Variants in TMC5 observed in about 807,000 individuals in gnomAD.
The protein encoded by TMC5 is transmembrane channel like 5, also known as transmembrane channel-like protein 5.
TMC5 carries 86 observed loss-of-function variants against 110.5 expected under a neutral mutation model. That is an observed-to-expected ratio of 0.78 (90% CI 0.65 to 0.93). The LOEUF is 0.93. Ranked by LOEUF, TMC5 falls within the 40% of genes least tolerant of loss-of-function variation. TMC5 has a pLI of 0.00. For missense variants in TMC5, 1,144 were observed against 1,222.8 expected (o/e 0.94, Z 0.96); for synonymous variants, 455 against 439.5 (o/e 1.04, Z -0.44).
At chr16:19,448,771 A>ATAT (rs1967679135) in intron 4 of TMC5, among the ~76,000 whole-genome samples, 6 of 146,516 alleles carry the variant, frequency 4.1e-5, no homozygotes, top group Non-Finnish European at 6.0e-5. Flanking sequence ...AACATATAAA[A>ATAT]ATAAATATAT....
upstream of TMC5, among the ~76,000 whole-genome samples, chr16:19,413,632 G>A (rs539418763): frequency 2.7e-5 from 4 of 150,900 alleles, no homozygotes; most frequent in South Asian, 2.1e-4. Context: ...CTTAGTGGGA[G>A]GCACTACATC....
chr16:19,490,671 C>T, intron 18 of TMC5, 103 bp downstream of exon 18: 3 of 1,157,154 alleles, frequency 2.6e-6, no homozygotes, highest in Non-Finnish European at 3.8e-6. Flanking sequence ...TAGCATAGCT[C>T]AGTGTTCTGG....
intron 17 of TMC5, among the ~76,000 whole-genome samples, chr16:19,489,317 T>A (rs2143746126): frequency 6.6e-6 from 1 of 152,190 alleles, no homozygotes; most frequent in South Asian, 2.1e-4. Context: ...CACATCACCA[T>A]GCCTGGCTAA....
chr16:19,425,327 C>CTTTTT (rs35472194), intron 1 of TMC5, among the ~76,000 whole-genome samples: 4 of 124,582 alleles, frequency 3.2e-5, no homozygotes, highest in African/African-American at 2.9e-5. Flanking sequence ...GTTGAGTTTG[C>CTTTTT]TTTTTTTTTT....
intron 18 of TMC5, among the ~76,000 whole-genome samples, chr16:19,491,469 G>C (rs918620566): frequency 6.6e-6 from 1 of 151,554 alleles, no homozygotes; most frequent in African/African-American, 2.4e-5. Context: ...CTGGGCAACA[G>C]AGCAAGACCC....
chr16:19,419,658 C>T (rs1212203475), intron 1 of TMC5, among the ~76,000 whole-genome samples: 3 of 151,710 alleles, frequency 2.0e-5, no homozygotes, highest in Admixed American at 1.3e-4. Flanking sequence ...GTGATCCATC[C>T]GCCTCGGCCT....
At chr16:19,482,401 T>C (rs998349159) in intron 15 of TMC5, among the ~76,000 whole-genome samples, 2 of 152,148 alleles carry the variant, frequency 1.3e-5, no homozygotes, top group African/African-American at 4.8e-5. Flanking sequence ...GTTATAGTTA[T>C]AGCAGCCTGA....
chr16:19,454,626 A>G (rs1967823573), intron 5 of TMC5, among the ~76,000 whole-genome samples: 1 of 152,170 alleles, frequency 6.6e-6, no homozygotes, highest in African/African-American at 2.4e-5. Flanking sequence ...TGGGAGAAGG[A>G]ATACATGGGT....
At chr16:19,465,307 G>A (rs1191180543) in intron 8 of TMC5, among the ~76,000 whole-genome samples, 1 of 152,060 alleles carries the variant, frequency 6.6e-6, no homozygotes, top group African/African-American at 2.4e-5. Context: ...GCCGAGGCGG[G>A]TGGATCACTT....
At chr16:19,460,193 T>A in intron 5 of TMC5, 42 bp from the exon 6 acceptor site, 1 of 1,506,780 alleles carries the variant, frequency 6.6e-7, no homozygotes, top group Non-Finnish European at 9.2e-7. Context: ...TACGATTCTG[T>A]TAAAGAAAAA....
At chr16:19,423,888 A>C (rs1244921862) in intron 1 of TMC5, among the ~76,000 whole-genome samples, 1 of 152,182 alleles carries the variant, frequency 6.6e-6, no homozygotes, top group African/African-American at 2.4e-5. Flanking sequence ...AGTAGCTGGA[A>C]CTACAGGCAT....
chr16:19,461,706 CT>C (rs1041102765), intron 6 of TMC5, among the ~76,000 whole-genome samples: 39 of 151,542 alleles, frequency 2.6e-4, no homozygotes, highest in African/African-American at 9.0e-4. Context: ...GTTGCTTAAT[CT>C]TTTTTTTTCT....
intron 5 of TMC5, among the ~76,000 whole-genome samples, chr16:19,450,711 A>G (rs528668307): frequency 6.6e-6 from 1 of 152,322 alleles, no homozygotes; most frequent in East Asian, 1.9e-4. Context: ...TAACTGGAGC[A>G]CATGCCTACA....
chr16:19,453,775 A>G (rs1336944181), intron 5 of TMC5, among the ~76,000 whole-genome samples: 1 of 152,112 alleles, frequency 6.6e-6, no homozygotes, highest in African/African-American at 2.4e-5. Context: ...CTAAAAAAGG[A>G]AAGAAAGAAA....
chr16:19,420,946 T>C (rs890103250), intron 1 of TMC5, among the ~76,000 whole-genome samples: 2 of 152,122 alleles, frequency 1.3e-5, no homozygotes, highest in Non-Finnish European at 2.9e-5. Flanking sequence ...AGTTATAAAT[T>C]ACACGATCAG....
At chr16:19,475,802 C>CTT (rs1032784346) in intron 12 of TMC5, among the ~76,000 whole-genome samples, 79 of 127,320 alleles carry the variant, frequency 6.2e-4, no homozygotes, top group East Asian at 1.4e-3. Flanking sequence ...AATTTTCTTT[C>CTT]TTTTTTTTTT....
chr16:19,497,106 T>G lies in TMC5; in HGVS notation c.2932-15T>G. ...CTTCCTCCGTGACGTGGCTGCTTGT[T>G]TTTTTCTTTTTCAGCAACAAGGCTT... is the stretch of plus-strand genomic sequence containing the variant. On this transcript the variant is annotated splice_polypyrimidine_tract_variant and intron_variant, in intron 20 of 21. Coordinates refer to ENST00000542583, the MANE Select transcript of TMC5 (RefSeq NM_001261841.2). 1 of 1,613,982 alleles carries G rather than the reference T, an allele frequency of 6.2e-7. No homozygotes were observed. Among genetic ancestry groups the G allele is most frequent in the Non-Finnish European group, 8.5e-7 (1 of 1,179,970 alleles).
intron 1 of TMC5, among the ~76,000 whole-genome samples, chr16:19,430,058 A>G (rs764529628): frequency 2.0e-5 from 3 of 152,180 alleles, no homozygotes; most frequent in Non-Finnish European, 4.4e-5. Flanking sequence ...TATGAACAGC[A>G]TATGCCCTGG....
At chr16:19,434,108 T>TATA (rs1967262294) in intron 2 of TMC5, among the ~76,000 whole-genome samples, 2 of 2,946 alleles carry the variant, frequency 6.8e-4, no homozygotes, top group African/African-American at 7.8e-3. Context: ...ATATATATAT[T>TATA]ATATATATAT....
Sources: gnomAD v4.1 joint callset for allele counts (sites outside exome capture counted in the v4.1 genomes callset) on GRCh38, gnomAD v4.1.1 for gene constraint, MANE v1.5 for transcripts, NCBI Gene and HGNC (gene_info 2026-07-23, HGNC 2026-07-21) for gene names.